MMP26: variants seen among roughly 807,000 people sequenced by gnomAD.
MMP26 encodes matrix metallopeptidase 26, also known as matrix metalloproteinase-26.
MMP26 carries 33 observed loss-of-function variants against 31.0 expected under a neutral mutation model. That is an observed-to-expected ratio of 1.06 (90% CI 0.81 to 1.42). MMP26 has a LOEUF of 1.42. Among genes scored for constraint, MMP26 ranks in the 40% most tolerant of loss-of-function variants. The pLI is 0.00. For synonymous variants in MMP26, 122 were observed against 114.9 expected, an observed-to-expected ratio of 1.06 and a Z score of -0.40; for missense variants, 347 against 316.1, an observed-to-expected ratio of 1.10 and a Z score of -0.74.
chr11:4,756,454 A>G (rs1280207274), intron 1 of MMP26, among the ~76,000 whole-genome samples: 1 of 152,094 alleles, frequency 6.6e-6, no homozygotes, highest in Non-Finnish European at 1.5e-5. Context: ...GAAGATAAGA[A>G]CAAGCATAAA....
intron 2 of MMP26, chr11:4,803,474 C>A (rs143882013): frequency 2.5e-6 from 4 of 1,613,158 alleles, no homozygotes; most frequent in East Asian, 4.5e-5. Context: ...ACCCTGTCCC[C>A]GATCTGTTTG....
At chr11:4,880,746 A>C (rs948163697) in intron 2 of MMP26, among the ~76,000 whole-genome samples, 21 of 152,182 alleles carry the variant, frequency 1.4e-4, no homozygotes, top group African/African-American at 5.1e-4. Flanking sequence ...GGAAAGGTCC[A>C]AGCAAAATGT....
chr11:4,802,349 T>G (rs1017580871), intron 2 of MMP26, among the ~76,000 whole-genome samples: 1 of 152,212 alleles, frequency 6.6e-6, no homozygotes, highest in African/African-American at 2.4e-5. Flanking sequence ...GAATAGAAAT[T>G]TAAAATGTTA....
At chr11:4,973,091 A>C (rs1846687054) in intron 2 of MMP26, 1 of 182,898 alleles carries the variant, frequency 5.5e-6, no homozygotes, top group Non-Finnish European at 1.2e-5. Context: ...GTGTTTGGCA[A>C]ACCGGTAGAT....
chr11:4,765,193 G>A (rs1056888892), intron 1 of MMP26, among the ~76,000 whole-genome samples: 2 of 152,144 alleles, frequency 1.3e-5, no homozygotes, highest in Admixed American at 1.3e-4. Flanking sequence ...CATTGCCCAG[G>A]AGCTGTTTCT....
chr11:4,976,102 G>A (rs1274381152), intron 2 of MMP26, among the ~76,000 whole-genome samples: 3 of 151,988 alleles, frequency 2.0e-5, no homozygotes, highest in Non-Finnish European at 4.4e-5. Flanking sequence ...AGACTCTAGA[G>A]GAACTAGAAC....
Position 4,788,544 on chromosome 11 carries a change from GA to G in MMP26, c.-145+21211del, listed in dbSNP as rs949605092. On this transcript the variant is annotated intron_variant, in intron 2 of 7. Transcript: ENST00000380390. ...TTGTGACCTGGTAGATAACTGTACA[GA>G]AAAAAAATAGTATCTGCATAAGTAT... Among the ~76,000 whole-genome samples, 12 of 151,678 alleles carry G rather than the reference GA, an allele frequency of 7.9e-5. 1 individual carries two copies. The highest frequency in any genetic ancestry group is 1.9e-4 in the East Asian group (1 of 5,144).
chr11:4,883,526 C>G (rs1850508644), intron 2 of MMP26, among the ~76,000 whole-genome samples: 1 of 152,068 alleles, frequency 6.6e-6, no homozygotes, highest in South Asian at 2.1e-4. Flanking sequence ...TCCAATCCAT[C>G]CAATATATAA....
At chr11:4,791,678 A>G (rs900986933) in intron 2 of MMP26, among the ~76,000 whole-genome samples, 3 of 152,080 alleles carry the variant, frequency 2.0e-5, no homozygotes, top group African/African-American at 7.2e-5. Flanking sequence ...AGAGTTCTCC[A>G]TTTCTCTATG....
At chr11:4,858,531 C>T (rs1850091801) in intron 2 of MMP26, among the ~76,000 whole-genome samples, 1 of 152,152 alleles carries the variant, frequency 6.6e-6, no homozygotes, top group Non-Finnish European at 1.5e-5. Context: ...TGAAGGACCT[C>T]TTCAAGGAGA....
intron 2 of MMP26, among the ~76,000 whole-genome samples, chr11:4,818,912 G>T (rs1849455958): frequency 6.6e-6 from 1 of 152,068 alleles, no homozygotes; most frequent in South Asian, 2.1e-4. Context: ...AATACATTTG[G>T]AAAAGAGTAT....
intron 2 of MMP26, chr11:4,882,912 T>C (rs776794534): frequency 4.5e-6 from 7 of 1,570,754 alleles, no homozygotes; most frequent in Non-Finnish European, 5.2e-6. Flanking sequence ...ACACGAATTA[T>C]GCTTTGGAAA....
chr11:4,738,969 C>T (rs1848278092), intron 1 of MMP26, among the ~76,000 whole-genome samples: 1 of 151,990 alleles, frequency 6.6e-6, no homozygotes, highest in South Asian at 2.1e-4. Context: ...AGAGTTTTTT[C>T]TAGTCTAGGT....
chr11:4,985,075 G>T (rs1161103394), intron 2 of MMP26, among the ~76,000 whole-genome samples: 1 of 152,040 alleles, frequency 6.6e-6, no homozygotes. Flanking sequence ...ATGTATTCAG[G>T]CCATAGAAAC....
intron 2 of MMP26, chr11:4,944,085 C>T (rs899239476): frequency 4.4e-6 from 2 of 453,002 alleles, no homozygotes; most frequent in African/African-American, 2.0e-5. Context: ...GTACTACAAC[C>T]CCAAACCCAT....
intron 2 of MMP26, among the ~76,000 whole-genome samples, chr11:4,967,510 T>G (rs948201946): frequency 6.6e-5 from 10 of 152,222 alleles, no homozygotes; most frequent in African/African-American, 2.4e-4. Flanking sequence ...GAATTTATTC[T>G]CTTCTTGAGG....
chr11:4,833,361 T>A (rs1385989260), intron 2 of MMP26, among the ~76,000 whole-genome samples: 1 of 152,198 alleles, frequency 6.6e-6, no homozygotes, highest in Non-Finnish European at 1.5e-5. Flanking sequence ...GCAAAACTCT[T>A]GCAAATCTTC....
intron 2 of MMP26, among the ~76,000 whole-genome samples, chr11:4,782,421 AT>A (rs1848877306): frequency 6.6e-6 from 1 of 152,192 alleles, no homozygotes; most frequent in African/African-American, 2.4e-5. Context: ...AATTTAGGGT[AT>A]CTGGAGGAAG....
chr11:4,756,457 A>G (rs1848505203), intron 1 of MMP26, among the ~76,000 whole-genome samples: 1 of 152,120 alleles, frequency 6.6e-6, no homozygotes, highest in Non-Finnish European at 1.5e-5. Context: ...GATAAGAACA[A>G]GCATAAAATA....
Sources: allele counts gnomAD v4.1 joint callset (sites outside exome capture counted in the v4.1 genomes callset), GRCh38; gene constraint gnomAD v4.1.1; transcripts MANE v1.5; gene names NCBI Gene and HGNC (gene_info 2026-07-23, HGNC 2026-07-21).